SLIT1: variants seen among roughly 807,000 people sequenced by gnomAD.
The protein encoded by SLIT1 is slit homolog 1 protein.
Under a neutral mutation model 186.1 loss-of-function variants are expected in SLIT1, and 66 were observed. The ratio of observed to expected loss-of-function variants is 0.35; its 90% CI spans 0.29 to 0.44. SLIT1 has a LOEUF of 0.44. SLIT1 is among the 20% of genes least tolerant of loss of function. The pLI, the probability that SLIT1 is intolerant of heterozygous loss-of-function variation, is 1.00. For missense variants in SLIT1, 1,638 were observed against 2,037.4 expected (o/e 0.80, Z 3.77); for synonymous variants, 761 against 833.8 (o/e 0.91, Z 1.50).
At chr10:97,030,140 G>A (rs1436303291) in intron 25 of SLIT1, among the ~76,000 whole-genome samples, 1 of 152,166 alleles carries the variant, frequency 6.6e-6, no homozygotes, top group African/African-American at 2.4e-5. Flanking sequence ...CTCTTAGAGT[G>A]GATTGCTGGG....
In SLIT1 at chr10:97,059,398, C is replaced by T. The variant is rs531839855; in HGVS notation, c.1085+62G>A. 24 of 1,375,160 alleles carry T rather than the reference C, an allele frequency of 1.7e-5. No homozygotes were observed. In the East Asian group the frequency reaches 5.3e-4, roughly 30 times the overall value. The allele number at this position is 1,375,160 out of a possible 1,614,324, so 85.2% of individuals were successfully genotyped here. On this transcript the variant is annotated intron_variant, in intron 11 of 36. Transcript: ENST00000266058. ...CTCCTGCATCCACCAGGACCCTGGG[C>T]CCTGCCAGCCTCCTCAGGGGATGCC...
At chr10:97,128,454 G>A (rs966184954) in intron 4 of SLIT1, among the ~76,000 whole-genome samples, 3 of 152,122 alleles carry the variant, frequency 2.0e-5, no homozygotes, top group Non-Finnish European at 4.4e-5. Context: ...AGCTGTGAAC[G>A]TCCACCAGGA....
At chr10:97,064,046 T>TG (rs1848920150) in intron 7 of SLIT1, 122 bp downstream of exon 7, 16 of 820,170 alleles carry the variant, frequency 2.0e-5, no homozygotes, top group Non-Finnish European at 2.8e-5. Flanking sequence ...GGCTGGCCTC[T>TG]GGGGGTCTGA....
In SLIT1 at chr10:97,059,476, G is replaced by A. The variant is rs1295794649; in HGVS notation, c.1069C>T (p.Arg357Cys). The A allele has an allele frequency of 6.8e-6, 11 of 1,613,692 alleles. No individual in the cohort carries two copies. The highest frequency in any genetic ancestry group is 1.1e-5 in the South Asian group (1 of 91,082). The change falls in exon 11 of 37, where the codon CGC (arginine) becomes TGC (cysteine). Residue 357 changes from arginine (R) to cysteine (C), a missense_variant. Arg to Cys is a radical substitution (Grantham distance 180). Around this residue, in one of 3 missense-constraint regions of SLIT1, gnomAD observed 1,245 missense variants for 1,535.3 expected, o/e 0.81. Coordinates refer to ENST00000266058, the MANE Select transcript of SLIT1 (RefSeq NM_003061.3). ...GCTACTCACAGCGAGTTCAGGGAGC[G>A]GAGGCCCTGGAAGGCGTCGGGTGCA... ...EIAPDAFQGL[R>C]SLNSLVLYGN... is the part of the protein sequence containing the mutation.
intron 4 of SLIT1, among the ~76,000 whole-genome samples, chr10:97,120,693 G>A (rs1400384647): frequency 2.0e-5 from 3 of 152,096 alleles, no homozygotes. Context: ...GATGCTAAGC[G>A]GCCGACACCT....
rs78878794 is a variant in SLIT1, at chr10:97,162,650, A to C, written c.341+730T>G. ...ATAATAAAGTGCAATTAATATCCTG[A>C]TACATGATTTTTAGCCATGTCTCTG... On this transcript the variant is annotated intron_variant, in intron 3 of 36. Transcript: ENST00000266058. Among the ~76,000 whole-genome samples the C allele has an allele frequency of 4.6e-5, 7 of 152,236 alleles. No individual in the cohort carries two copies. The East Asian group carries it at 1.4e-3, about 29-fold the overall frequency.
intron 13 of SLIT1, among the ~76,000 whole-genome samples, chr10:97,049,575 C>T (rs530622605): frequency 1.3e-5 from 2 of 152,302 alleles, no homozygotes; most frequent in African/African-American, 4.8e-5. Context: ...TGACCCTCCC[C>T]AGTGGCCATG....
In SLIT1 at chr10:97,064,700, C is replaced by A. The variant is rs1564666149; in HGVS notation, c.557+105G>T. 3 of 772,296 alleles carry A rather than the reference C, an allele frequency of 3.9e-6. No individual in the cohort carries two copies. In the East Asian group the frequency reaches 7.7e-5, roughly 20 times the overall value. The allele number at this position is 772,296 out of a possible 1,614,324, so 47.8% of individuals were successfully genotyped here. A position where few individuals can be genotyped will look rare whatever the true frequency, so the allele number is the denominator to read the frequency against. ...CCGAGGTGATTCTAGGAGGGCAGGT[C>A]TCTCCCTTCCTGTCTCCCTGATGCC... is the stretch of plus-strand genomic sequence containing the variant. On this transcript the variant is annotated intron_variant, in intron 6 of 36. Coordinates refer to ENST00000266058, the MANE Select transcript of SLIT1 (RefSeq NM_003061.3).
rs898973229 is a variant in SLIT1, at chr10:97,004,838, C to T, written c.3580-15G>A. On this transcript the variant is annotated splice_polypyrimidine_tract_variant and intron_variant, in intron 32 of 36. Coordinates refer to ENST00000266058, the MANE Select transcript of SLIT1 (RefSeq NM_003061.3). The surrounding 1 kb of genome is among the most constrained non-coding windows in gnomAD (Gnocchi z 5.1). ...GCCGTGGAGACCTGATGGGCAGTGG[C>T]ACTTTCTCTCCCACCCCACCCCATG... is the stretch of plus-strand genomic sequence containing the variant. 1.9e-6 allele frequency: 3 copies of T among 1,614,046 alleles called. No homozygotes were observed. The East Asian group carries it at 6.7e-5, about 36-fold the overall frequency.
chr10:97,166,530 A>AGAAGGAAGGAAGGAAGGAAGGAAGGAAG lies in SLIT1; in HGVS notation c.198-1641_198-1640insCTTCCTTCCTTCCTTCCTTCCTTCCTTC, dbSNP rs1241751831. Among the ~76,000 whole-genome samples, 157 of 49,726 alleles carry AGAAGGAAGGAAGGAAGGAAGGAAGGAAG rather than the reference A, an allele frequency of 3.2e-3. 2 individuals are homozygous for AGAAGGAAGGAAGGAAGGAAGGAAGGAAG. Among genetic ancestry groups the AGAAGGAAGGAAGGAAGGAAGGAAGGAAG allele is most frequent in the Middle Eastern group, 0.016 (2 of 124 alleles). The allele number at this position is 49,726 out of a possible 152,430, so 32.6% of individuals were successfully genotyped here. A position where few individuals can be genotyped will look rare whatever the true frequency, so the allele number is the denominator to read the frequency against. Reference sequence around the variant, plus strand: ...AAACTCTGTCTCCAAAAAAAAAGAAAGAAGGAAGGAAGGAAGGAAGGAAGG... The same window carrying AGAAGGAAGGAAGGAAGGAAGGAAGGAAG: ...AAACTCTGTCTCCAAAAAAAAAGAAAGAAGGAAGGAAGGAAGGAAGGAAGGAAGGAAGGAAGGAAGGAAGGAAGGAAGG... On this transcript the variant is annotated intron_variant, in intron 1 of 36. Coordinates refer to ENST00000266058, the MANE Select transcript of SLIT1 (RefSeq NM_003061.3).
chr10:97,161,881 A>T (rs925304374), intron 3 of SLIT1, among the ~76,000 whole-genome samples: 1 of 152,228 alleles, frequency 6.6e-6, no homozygotes, highest in Non-Finnish European at 1.5e-5. Flanking sequence ...ACTGGGGACA[A>T]GTGACTTAAT....
At chr10:97,163,906 A>C (rs566193278) in intron 2 of SLIT1, among the ~76,000 whole-genome samples, 1 of 152,334 alleles carries the variant, frequency 6.6e-6, no homozygotes, top group Non-Finnish European at 1.5e-5. Context: ...GGGACCGGCC[A>C]GTATCAGGGG....
Position 97,000,311 on chromosome 10 carries a change from C to CAGAT in SLIT1, c.*797_*800dup, listed in dbSNP as rs1174031245. 3 of 152,352 alleles carry CAGAT rather than the reference C, an allele frequency of 2.0e-5. No homozygotes were observed. Among genetic ancestry groups the CAGAT allele is most frequent in the African/African-American group, 7.2e-5 (3 of 41,458 alleles). The allele number at this position is 152,352 out of a possible 1,614,324, so 9.4% of individuals were successfully genotyped here. On this transcript the variant is annotated 3_prime_UTR_variant, in exon 37 of 37. Coordinates refer to ENST00000266058, the MANE Select transcript of SLIT1 (RefSeq NM_003061.3). ...TCCTACTGTGGCCAGTGTCTGGAGG[C>CAGAT]AGATGATGTTTGTTTATCTAGAGCA...
chr10:97,069,277 T>G (rs528016956), intron 4 of SLIT1, among the ~76,000 whole-genome samples: 1 of 152,224 alleles, frequency 6.6e-6, no homozygotes, highest in Admixed American at 6.5e-5. Flanking sequence ...GAAACCAAAC[T>G]CACCTTGATG....
chr10:97,112,252 C>T (rs915158154), intron 4 of SLIT1, among the ~76,000 whole-genome samples: 6 of 151,956 alleles, frequency 3.9e-5, no homozygotes, highest in East Asian at 3.9e-4. Context: ...CCTGACAGAG[C>T]GCCCTGTGAT....
chr10:97,039,901 T>C (rs1436837743), intron 21 of SLIT1, 87 bp downstream of exon 21: 4 of 1,490,712 alleles, frequency 2.7e-6, no homozygotes, highest in South Asian at 1.2e-5. Context: ...CCTCCTCCCA[T>C]GGCTAGGCCC....
intron 28 of SLIT1, among the ~76,000 whole-genome samples, chr10:97,014,957 G>A (rs551836597): frequency 2.2e-4 from 34 of 152,186 alleles, no homozygotes; most frequent in African/African-American, 8.2e-4. Context: ...TACTTCAGGA[G>A]CACAGTGAGC....
intron 11 of SLIT1, chr10:97,058,234 AG>A (rs1848859442): frequency 1.6e-6 from 1 of 620,016 alleles, no homozygotes; most frequent in Admixed American, 2.4e-5. Flanking sequence ...AATGGAGCAG[AG>A]GGGGCAGGAA....
rs1050388528 is a variant in SLIT1, at chr10:97,127,185, C to A, written c.413+30633G>T. Among the ~76,000 whole-genome samples the A allele has an allele frequency of 2.0e-5, 3 of 151,738 alleles. No individual in the cohort carries two copies. The East Asian group carries it at 5.8e-4, about 29-fold the overall frequency. ...TGGCGGGCGCCTGTAATCCCAGCTA[C>A]TGAGGCAGGAGAATGGCGTGAACCT... is the stretch of plus-strand genomic sequence containing the variant. On this transcript the variant is annotated intron_variant, in intron 4 of 36. Coordinates refer to ENST00000266058, the MANE Select transcript of SLIT1 (RefSeq NM_003061.3).
Sources: allele counts gnomAD v4.1 joint callset (sites outside exome capture counted in the v4.1 genomes callset), GRCh38; gene constraint gnomAD v4.1.1; regional missense constraint gnomAD v4.1.1; non-coding constraint Gnocchi (gnomAD v3.1); transcripts MANE v1.5; gene names NCBI Gene and HGNC (gene_info 2026-07-23, HGNC 2026-07-21).